Variants in TRRAP observed in about 807,000 individuals in gnomAD.
The protein encoded by TRRAP is transformation/transcription domain associated protein.
In TRRAP, 41 loss-of-function variants were observed where a neutral mutation model predicts 438.8. That is an observed-to-expected ratio of 0.09 (90% CI 0.07 to 0.12). TRRAP has a LOEUF of 0.12. Among genes scored for constraint, TRRAP ranks in the 10% least tolerant of loss-of-function variants. The pLI is 1.00. For synonymous variants in TRRAP, 1,994 were observed against 1,962.9 expected (o/e 1.02, Z -0.42); for missense variants, 3,122 against 5,055.1 (o/e 0.62, Z 11.60).
chr7:98,969,721 G>C (rs139637455), intron 51 of TRRAP, among the ~76,000 whole-genome samples: 1 of 139,012 alleles, frequency 7.2e-6, no homozygotes, highest in Non-Finnish European at 1.5e-5. Context: ...CTACACTGTC[G>C]CCTGAGGCTG....
chr7:98,880,803 A>G (rs1554402928), intron 1 of TRRAP, among the ~76,000 whole-genome samples: 1 of 152,202 alleles, frequency 6.6e-6, no homozygotes, highest in Non-Finnish European at 1.5e-5. Flanking sequence ...AAAGATTAAA[A>G]TATCTACTAT....
chr7:98,953,687 G>C (rs1306776901), intron 40 of TRRAP, among the ~76,000 whole-genome samples: 1 of 152,218 alleles, frequency 6.6e-6, no homozygotes, highest in African/African-American at 2.4e-5. Context: ...CGGAGTTTCT[G>C]CCTGGGAAGA....
chr7:98,912,327 C>T, intron 18 of TRRAP, 114 bp downstream of exon 18: 1 of 1,129,092 alleles, frequency 8.9e-7, no homozygotes, highest in Non-Finnish European at 1.2e-6. Flanking sequence ...AAGCAATCCA[C>T]CTGCCTTGAT....
chr7:98,972,049 CTTTTTCTTTTT>C lies in TRRAP; in HGVS notation c.7839+105_7839+115del, dbSNP rs1215680221. The C allele has an allele frequency of 1.8e-5, 26 of 1,433,354 alleles. No individual in the cohort carries two copies. In the East Asian group the frequency reaches 5.8e-4, roughly 32 times the overall value. 88.8% of individuals were successfully genotyped at this position (1,433,354 alleles called of 1,614,324 possible). On this transcript the variant is annotated intron_variant, in intron 53 of 72. Coordinates refer to ENST00000456197, the MANE Select transcript of TRRAP (RefSeq NM_001375524.1). Reference sequence around the variant, plus strand: ...CAGTGTAACTTTTTCTGTTTCTTTTCTTTTTCTTTTTGAGATGGGATGTTGCTTTGTCACCC... The same window carrying C: ...CAGTGTAACTTTTTCTGTTTCTTTTCGAGATGGGATGTTGCTTTGTCACCC...
intron 63 of TRRAP, 119 bp from the exon 64 acceptor site, chr7:98,990,336 A>G (rs1397586478): frequency 2.0e-6 from 2 of 1,023,476 alleles, no homozygotes; most frequent in Middle Eastern, 3.3e-4. Context: ...GCTTATAGAT[A>G]CTTTTTTTAC....
Position 98,897,790 on chromosome 7 carries a change from C to G in TRRAP, c.557C>G (p.Pro186Arg), listed in dbSNP as rs1554406011. The G allele has an allele frequency of 6.2e-7, 1 of 1,613,822 alleles. No homozygotes were observed. The highest frequency in any genetic ancestry group is 8.5e-7 in the Non-Finnish European group (1 of 1,179,940). Residue 186 changes from proline (P) to arginine (R), a missense_variant, in exon 8 of 73, where the codon CCC becomes CGC. Around this residue, in one of 24 missense-constraint regions of TRRAP, gnomAD observed 343 missense variants for 564.0 expected, o/e 0.61. Coordinates refer to ENST00000456197, the MANE Select transcript of TRRAP (RefSeq NM_001375524.1). Reference sequence around the variant, plus strand: ...GTGATCCCCGAGAACACAGTGCCTCCCCCAGAAATGGTTGGTATGATAACA... The same window carrying G: ...GTGATCCCCGAGAACACAGTGCCTCGCCCAGAAATGGTTGGTATGATAACA... ...PQVIPENTVP[P>R]PEMVGMITTI...
chr7:98,993,860 C>T (rs1360963379), intron 66 of TRRAP, 123 bp downstream of exon 66: 1 of 971,812 alleles, frequency 1.0e-6, no homozygotes, highest in Non-Finnish European at 1.5e-6. Flanking sequence ...TGTTGTTGAA[C>T]TTAACCATGG....
chr7:98,970,844 C>G (rs990971546), intron 52 of TRRAP, among the ~76,000 whole-genome samples: 2 of 152,210 alleles, frequency 1.3e-5, no homozygotes, highest in East Asian at 1.9e-4. Context: ...ATGTCTCTGC[C>G]TAGTCCCGGG....
At chr7:99,000,309 G>A (rs1478836510) in intron 67 of TRRAP, among the ~76,000 whole-genome samples, 1 of 152,152 alleles carries the variant, frequency 6.6e-6, no homozygotes, top group Non-Finnish European at 1.5e-5. Flanking sequence ...GCCCGGCCAT[G>A]TATTTCAGTT....
In TRRAP at chr7:98,976,591, G is replaced by A. The variant is rs1439878240; in HGVS notation, c.8068G>A (p.Val2690Met). The A allele has an allele frequency of 8.1e-6, 13 of 1,614,204 alleles. No homozygotes were observed. Among genetic ancestry groups the A allele is most frequent in the Middle Eastern group, 1.6e-4 (1 of 6,062 alleles). The change falls in exon 55 of 73, where the codon GTG (valine) becomes ATG (methionine). Residue 2690 changes from valine (V) to methionine (M), a missense_variant. Around this residue, in one of 24 missense-constraint regions of TRRAP, gnomAD observed 992 missense variants for 1,281.2 expected, o/e 0.77. Transcript: ENST00000456197. The surrounding 1 kb of genome is among the most constrained non-coding windows in gnomAD (Gnocchi z 4.6). The part of the protein sequence containing the change: ...NCFVEAMSQC[V>M]PPIPIRPCVL... ...CTTTGTGGAAGCCATGTCCCAGTGC[G>A]TGCCGCCAATCCCCATCCGACCCTG...
chr7:98,906,031 T>G (rs920692538), intron 12 of TRRAP, 146 bp from the exon 13 acceptor site: 7 of 584,536 alleles, frequency 1.2e-5, no homozygotes, highest in African/African-American at 7.7e-5. Flanking sequence ...ATAGCACTTG[T>G]GCCTTTCTGG....
chr7:98,918,812 A>G (rs1319652533), intron 20 of TRRAP, among the ~76,000 whole-genome samples: 1 of 151,312 alleles, frequency 6.6e-6, no homozygotes, highest in African/African-American at 2.4e-5. Context: ...TCCCAGCACT[A>G]TGGGAGGCTG....
intron 1 of TRRAP, among the ~76,000 whole-genome samples, chr7:98,880,264 T>TTTTTG (rs1554402836): frequency 1.0e-4 from 10 of 96,828 alleles, no homozygotes; most frequent in African/African-American, 6.6e-4. Context: ...TTGTTGTTGT[T>TTTTTG]TTTTTTTTTT....
intron 12 of TRRAP, among the ~76,000 whole-genome samples, chr7:98,904,087 G>C (rs573404026): frequency 6.6e-6 from 1 of 152,068 alleles, no homozygotes. Flanking sequence ...TGGGACTACT[G>C]GTGTGAGCCA....
At chr7:98,952,798 C>T (rs782751294) in intron 39 of TRRAP, among the ~76,000 whole-genome samples, 5 of 152,082 alleles carry the variant, frequency 3.3e-5, no homozygotes, top group South Asian at 2.1e-4. Context: ...CAGCACTTTA[C>T]GTAAGATAAG....
In TRRAP at chr7:98,949,402, T is replaced by A; in HGVS notation, c.4789-15T>A. ...GATTAGCTTAAAACGGCTTTTCTAT[T>A]TGTTTTGCTTTCAGAGTTTTTTAAA... is the stretch of plus-strand genomic sequence containing the variant. On this transcript the variant is annotated splice_polypyrimidine_tract_variant and intron_variant, in intron 35 of 72. Transcript: ENST00000456197. 6.6e-7 allele frequency: 1 copy of A among 1,513,590 alleles called. No homozygotes were observed. The highest frequency in any genetic ancestry group is 8.8e-7 in the Non-Finnish European group (1 of 1,132,624). 93.8% of individuals were successfully genotyped at this position (1,513,590 alleles called of 1,614,324 possible). A position where few individuals can be genotyped will look rare whatever the true frequency, so the allele number is the denominator to read the frequency against.
At chr7:98,971,558 A>G (rs1490989404) in intron 52 of TRRAP, among the ~76,000 whole-genome samples, 1 of 152,228 alleles carries the variant, frequency 6.6e-6, no homozygotes, top group African/African-American at 2.4e-5. Flanking sequence ...TTGACAAAAA[A>G]CCCAAATGTG....
intron 28 of TRRAP, 36 bp from the exon 29 acceptor site, chr7:98,937,120 T>G: frequency 6.4e-7 from 1 of 1,565,644 alleles, no homozygotes; most frequent in Admixed American, 2.0e-5. Context: ...ATCTTTCCAG[T>G]TAATAATGGA....
Position 98,976,970 on chromosome 7 carries a change from C to G in TRRAP, c.8279C>G (p.Ser2760Cys), listed in dbSNP as rs1312040111. 1.2e-6 allele frequency: 2 copies of G among 1,614,148 alleles called. No individual in the cohort carries two copies. The highest frequency in any genetic ancestry group is 1.7e-6 in the Non-Finnish European group (2 of 1,180,032). Residue 2760 changes from serine (S) to cysteine (C), a missense_variant, in exon 56 of 73, where the codon TCC becomes TGC. Coordinates refer to ENST00000456197, the MANE Select transcript of TRRAP (RefSeq NM_001375524.1). The surrounding 1 kb of genome is among the most constrained non-coding windows in gnomAD (Gnocchi z 4.6). ...EILDSLAELYSLLQEEDMWAG... is the reference protein window; with the variant it reads ...EILDSLAELYCLLQEEDMWAG... ...CTGGATTCCCTTGCGGAGCTTTACT[C>G]CCTGTTACAAGAGGAAGATATGTGG...
Sources: allele counts gnomAD v4.1 joint callset (sites outside exome capture counted in the v4.1 genomes callset), GRCh38; gene constraint gnomAD v4.1.1; regional missense constraint gnomAD v4.1.1; non-coding constraint Gnocchi (gnomAD v3.1); transcripts MANE v1.5; gene names NCBI Gene and HGNC (gene_info 2026-07-23, HGNC 2026-07-21).